PRKG1: variants seen among roughly 807,000 people sequenced by gnomAD.
PRKG1 encodes the protein protein kinase cGMP-dependent 1.
Under a neutral mutation model 88.1 loss-of-function variants are expected in PRKG1, and 35 were observed. The ratio of observed to expected loss-of-function variants is 0.40; its 90% confidence interval spans 0.30 to 0.53. The LOEUF is 0.53. PRKG1 is among the 20% of genes least tolerant of loss of function. The probability of loss-of-function intolerance (pLI) is 0.59; values close to 1 mark genes in which losing one functional copy is unlikely to be tolerated. For synonymous variants in PRKG1, 303 were observed against 292.5 expected (o/e 1.04, Z -0.37); for missense variants, 540 against 839.8 (o/e 0.64, Z 4.41).
intron 3 of PRKG1, among the ~76,000 whole-genome samples, chr10:51,656,554 C>T (rs569357642): frequency 6.6e-5 from 10 of 152,130 alleles, no homozygotes; most frequent in Non-Finnish European, 1.0e-4. Flanking sequence ...ATTCTTTCAC[C>T]GCAAAGTATT....
At chr10:52,090,175 T>C (rs530234067) in intron 7 of PRKG1, among the ~76,000 whole-genome samples, 1 of 152,186 alleles carries the variant, frequency 6.6e-6, no homozygotes, top group African/African-American at 2.4e-5. Context: ...GAGAAATGGC[T>C]AATTCTATAC....
intron 2 of PRKG1, among the ~76,000 whole-genome samples, chr10:51,403,458 T>C (rs1232108733): frequency 1.3e-5 from 2 of 152,166 alleles, no homozygotes; most frequent in South Asian, 2.1e-4. Context: ...TGTCCATATA[T>C]AGGGCATTTA....
chr10:52,104,745 C>G (rs910814043), intron 7 of PRKG1, among the ~76,000 whole-genome samples: 1 of 152,158 alleles, frequency 6.6e-6, no homozygotes, highest in African/African-American at 2.4e-5. Flanking sequence ...AACTAAGACA[C>G]ATTATCATAT....
At chr10:51,893,985 A>G (rs1335077129) in intron 4 of PRKG1, among the ~76,000 whole-genome samples, 1 of 152,192 alleles carries the variant, frequency 6.6e-6, no homozygotes, top group African/African-American at 2.4e-5. Context: ...AGTGCTATTC[A>G]GGTGGGATGC....
chr10:51,057,316 G>A (rs1173058526), intron 1 of PRKG1, among the ~76,000 whole-genome samples: 1 of 152,096 alleles, frequency 6.6e-6, no homozygotes, highest in East Asian at 1.9e-4. Context: ...TGATGGATTG[G>A]GCATGGGGCC....
At chr10:51,730,981 C>A (rs1375799795) in intron 3 of PRKG1, among the ~76,000 whole-genome samples, 1 of 152,068 alleles carries the variant, frequency 6.6e-6, no homozygotes, top group Admixed American at 6.5e-5. Flanking sequence ...CATGATGAAA[C>A]CCTGTCTCTA....
rs140162617 is a variant in PRKG1 at position 51,117,446 on chromosome 10, A to G, written c.312-35718A>G. On this transcript the variant is annotated intron_variant, in intron 1 of 17. Transcript: ENST00000373980. ...TCTTGGCTGATGAAGCAAATGGCCT[A>G]ATGAGTAATAATCACATATTTGGAA... Among the ~76,000 whole-genome samples the G allele has an allele frequency of 5.9e-3, 904 of 152,360 alleles. 5 individuals carry two copies. The highest frequency in any genetic ancestry group is 0.02 in the Middle Eastern group (6 of 294).
In PRKG1 at chr10:51,290,356, T is replaced by A. The variant is rs561051556; in HGVS notation, c.478+137026T>A. Among the ~76,000 whole-genome samples the A allele has an allele frequency of 1.2e-4, 19 of 152,306 alleles. No individual in the cohort carries two copies. The East Asian group carries it at 2.9e-3, about 23-fold the overall frequency. On this transcript the variant is annotated intron_variant, in intron 2 of 17. Transcript: ENST00000373980. ...ATAAATGCTGCATTTTGTGCTCAGATAACCAAGGACATGGCAAAAGCTAAT... is the reference window on the plus strand; with the variant it reads ...ATAAATGCTGCATTTTGTGCTCAGAAAACCAAGGACATGGCAAAAGCTAAT...
At chr10:51,067,533 A>G (rs1438974179) in intron 1 of PRKG1, among the ~76,000 whole-genome samples, 1 of 152,018 alleles carries the variant, frequency 6.6e-6, no homozygotes, top group Non-Finnish European at 1.5e-5. Context: ...AAACATTGTG[A>G]AGATTTCCCT....
intron 10 of PRKG1, among the ~76,000 whole-genome samples, chr10:52,269,122 T>A (rs1440109483): frequency 2.0e-5 from 3 of 152,018 alleles, no homozygotes; most frequent in Admixed American, 2.0e-4. Context: ...ATTTTTATAG[T>A]AGGCATTTTT....
chr10:52,195,099 A>T (rs142101058), intron 9 of PRKG1, among the ~76,000 whole-genome samples: 2 of 152,338 alleles, frequency 1.3e-5, no homozygotes, highest in African/African-American at 4.8e-5. Flanking sequence ...AGATCACATC[A>T]TTTGGTAAAC....
intron 2 of PRKG1, among the ~76,000 whole-genome samples, chr10:51,279,740 A>C (rs938912981): frequency 6.6e-6 from 1 of 151,934 alleles, no homozygotes; most frequent in Non-Finnish European, 1.5e-5. Context: ...ATCTTCCTCC[A>C]TCCCTTTATT....
chr10:51,735,612 C>G (rs1387022226), intron 3 of PRKG1, among the ~76,000 whole-genome samples: 1 of 151,994 alleles, frequency 6.6e-6, no homozygotes, highest in East Asian at 1.9e-4. Context: ...CAAATCCACT[C>G]AAGTCCCTGA....
chr10:52,280,253 A>T (rs1841972962), intron 12 of PRKG1, among the ~76,000 whole-genome samples: 1 of 152,180 alleles, frequency 6.6e-6, no homozygotes, highest in Non-Finnish European at 1.5e-5. Context: ...TGATTGCATC[A>T]GTAGCATTAT....
chr10:52,211,097 T>A lies in PRKG1; in HGVS notation c.1077-40473T>A, dbSNP rs577207721. 6.6e-5 allele frequency among the ~76,000 whole-genome samples: 10 copies of A among 152,318 alleles called. No homozygotes were observed. In the South Asian group the frequency reaches 1.9e-3, roughly 28 times the overall value. ...TTTCTTTTTCCTGCTACACTTCACT[T>A]TTTAAGAGAAAGAAGCAAGTATCAT... On this transcript the variant is annotated intron_variant, in intron 9 of 17. Transcript: ENST00000373980.
At chr10:52,115,375 G>T (rs1296027417) in intron 7 of PRKG1, among the ~76,000 whole-genome samples, 1 of 152,082 alleles carries the variant, frequency 6.6e-6, no homozygotes, top group African/African-American at 2.4e-5. Context: ...CTGTCGCAAA[G>T]GTGATAGTCT....
intron 7 of PRKG1, among the ~76,000 whole-genome samples, chr10:52,131,859 G>C (rs867718984): frequency 7.9e-5 from 11 of 139,236 alleles, no homozygotes; most frequent in African/African-American, 2.6e-4. Flanking sequence ...GGCCAGTTTG[G>C]CCAAAAGGCA....
intron 3 of PRKG1, among the ~76,000 whole-genome samples, chr10:51,572,890 C>T (rs1156347652): frequency 6.6e-6 from 1 of 151,796 alleles, no homozygotes; most frequent in East Asian, 1.9e-4. Flanking sequence ...AAGAATTAAA[C>T]TCAACTGTGT....
rs188263263 is a variant in PRKG1, at chr10:51,507,019, G to A, written c.592+39183G>A. On this transcript the variant is annotated intron_variant, in intron 3 of 17. Transcript: ENST00000373980. The stretch of plus-strand genomic sequence containing the variant: ...CTTTGTAGGGACATGGATGAAGCTG[G>A]AAACCATCATTCTCAGCAAACTAGT... Among the ~76,000 whole-genome samples, 542 of 152,204 alleles carry A rather than the reference G, an allele frequency of 3.6e-3. 3 individuals carry two copies. Among genetic ancestry groups the A allele is most frequent in the Middle Eastern group, 0.02 (6 of 294 alleles).
Sources: gnomAD v4.1 joint callset for allele counts (sites outside exome capture counted in the v4.1 genomes callset) on GRCh38, gnomAD v4.1.1 for gene constraint, MANE v1.5 for transcripts, NCBI Gene and HGNC (gene_info 2026-07-23, HGNC 2026-07-21) for gene names.